Variants in RALYL observed in about 807,000 individuals in gnomAD.
RALYL encodes RNA-binding Raly-like protein.
Under a neutral mutation model 35.1 loss-of-function variants are expected in RALYL, and 29 were observed. That is an observed-to-expected ratio of 0.83 (90% CI 0.61 to 1.13). RALYL has a LOEUF of 1.13. RALYL is among the 50% of genes most tolerant of loss of function. The probability of loss-of-function intolerance (pLI) is 0.00; values close to 1 mark genes in which losing one functional copy is unlikely to be tolerated. For synonymous variants in RALYL, 120 were observed against 127.6 expected, an observed-to-expected ratio of 0.94 and a Z score of 0.40; for missense variants, 359 against 360.4, an observed-to-expected ratio of 1.00 and a Z score of 0.03.
At chr8:84,619,641 G>A in intron 2 of RALYL, among the ~76,000 whole-genome samples, 2 of 149,628 alleles carry the variant, frequency 1.3e-5, no homozygotes, top group Middle Eastern at 6.8e-3. Context: ...TCATTATGAT[G>A]TTAGCTGGTT....
At position 84,559,197 on chromosome 8, in the gene RALYL, ATTAAT is replaced by A. The variant is rs1280627813; in HGVS notation, c.256+29627_256+29631del. 1.2e-4 allele frequency among the ~76,000 whole-genome samples: 19 copies of A among 152,064 alleles called. 1 individual carries two copies. In the East Asian group the frequency reaches 3.5e-3, roughly 28 times the overall value. On this transcript the variant is annotated intron_variant, in intron 2 of 8. Coordinates refer to ENST00000521268, the MANE Select transcript of RALYL (RefSeq NM_173848.7). ...GATAAAATAATGTTTTTCTGTTCATATTAATTTAATTATTGAAGTGTTTTTAATAG... is the reference window on the plus strand; with the variant it reads ...GATAAAATAATGTTTTTCTGTTCATATTAATTATTGAAGTGTTTTTAATAG...
At chr8:84,615,607 T>A (rs1178267538) in intron 2 of RALYL, among the ~76,000 whole-genome samples, 3 of 140,506 alleles carry the variant, frequency 2.1e-5, no homozygotes, top group Non-Finnish European at 4.6e-5. Context: ...TTTTACTTAT[T>A]ATTATACTTT....
intron 2 of RALYL, among the ~76,000 whole-genome samples, chr8:84,689,817 T>A (rs1837640583): frequency 6.6e-6 from 1 of 152,202 alleles, no homozygotes; most frequent in Non-Finnish European, 1.5e-5. Context: ...TTTGCATTTC[T>A]CTGATGGCCA....
intron 2 of RALYL, chr8:84,679,680 A>G: frequency 2.0e-6 from 1 of 506,360 alleles, no homozygotes; most frequent in Non-Finnish European, 4.0e-6. Context: ...AAAATGTGAG[A>G]ACTAATTCAT....
chr8:84,552,663 C>T (rs1231722561), intron 2 of RALYL, among the ~76,000 whole-genome samples: 1 of 151,730 alleles, frequency 6.6e-6, no homozygotes, highest in African/African-American at 2.4e-5. Flanking sequence ...TTGATCTAAC[C>T]TGGTACTCTG....
At chr8:84,261,752 C>T (rs1025807504) in intron 1 of RALYL, among the ~76,000 whole-genome samples, 7 of 151,956 alleles carry the variant, frequency 4.6e-5, no homozygotes, top group African/African-American at 1.2e-4. Context: ...ATTTTCTAGA[C>T]AATCAATGCA....
At chr8:84,857,055 A>AAAAAG (rs1563754466) in intron 5 of RALYL, among the ~76,000 whole-genome samples, 5 of 151,720 alleles carry the variant, frequency 3.3e-5, no homozygotes, top group Admixed American at 2.0e-4. Context: ...AAAAAAAAAA[A>AAAAAG]AAAAGAATTA....
chr8:84,550,977 A>T (rs1437572935), intron 2 of RALYL, among the ~76,000 whole-genome samples: 1 of 152,072 alleles, frequency 6.6e-6, no homozygotes, highest in Admixed American at 6.6e-5. Context: ...TAAATAGAGA[A>T]ATTAAGAAAA....
At chr8:84,527,363 A>G (rs2058977697) in intron 1 of RALYL, among the ~76,000 whole-genome samples, 2 of 152,060 alleles carry the variant, frequency 1.3e-5, no homozygotes, top group Admixed American at 1.3e-4. Flanking sequence ...AGGGTTATCA[A>G]TGGCAGACCA....
intron 1 of RALYL, among the ~76,000 whole-genome samples, chr8:84,309,066 A>C (rs1007062820): frequency 2.0e-5 from 3 of 151,638 alleles, no homozygotes; most frequent in Non-Finnish European, 2.9e-5. Flanking sequence ...CATGCAAGCA[A>C]TATATCAACA....
intron 5 of RALYL, among the ~76,000 whole-genome samples, chr8:84,859,564 A>T (rs867239147): frequency 6.6e-6 from 1 of 152,194 alleles, no homozygotes; most frequent in African/African-American, 2.4e-5. Flanking sequence ...GGTGAAAGTC[A>T]TCCAGCCAGG....
At chr8:84,272,706 G>A (rs975210826) in intron 1 of RALYL, among the ~76,000 whole-genome samples, 7 of 152,114 alleles carry the variant, frequency 4.6e-5, no homozygotes, top group African/African-American at 1.7e-4. Context: ...TTAGGTAATA[G>A]CAATGGCAAA....
At chr8:84,414,289 T>A (rs2044397363) in intron 1 of RALYL, among the ~76,000 whole-genome samples, 1 of 152,210 alleles carries the variant, frequency 6.6e-6, no homozygotes, top group Non-Finnish European at 1.5e-5. Flanking sequence ...CACTTTGGCC[T>A]CCTCCTGATG....
At chr8:84,803,690 A>G (rs1823901578) in intron 3 of RALYL, among the ~76,000 whole-genome samples, 1 of 152,228 alleles carries the variant, frequency 6.6e-6, no homozygotes, top group Admixed American at 6.5e-5. Flanking sequence ...AGCATGGTAT[A>G]TGGCGGAGAT....
At chr8:84,184,837 G>C in intron 1 of RALYL, 1 of 792,790 alleles carries the variant, frequency 1.3e-6, no homozygotes, top group Non-Finnish European at 2.1e-6. Context: ...GCGGGCTAGA[G>C]GGGACCCTCA....
intron 4 of RALYL, among the ~76,000 whole-genome samples, chr8:84,809,945 T>C (rs1362061979): frequency 6.6e-6 from 1 of 152,170 alleles, no homozygotes; most frequent in African/African-American, 2.4e-5. Flanking sequence ...TTTTGTTTCA[T>C]TTATCTTTTG....
At chr8:84,189,760 G>A (rs1206758539) in intron 1 of RALYL, among the ~76,000 whole-genome samples, 1 of 150,556 alleles carries the variant, frequency 6.6e-6, no homozygotes, top group Admixed American at 6.6e-5. Context: ...TAAAACAACT[G>A]TTATGTATTT....
At position 84,195,394 on chromosome 8, in the gene RALYL, C is replaced by G. The variant is rs370411877; in HGVS notation, c.-24+10970C>G. Among the ~76,000 whole-genome samples the G allele has an allele frequency of 1.4e-3, 218 of 152,072 alleles. 1 individual carries two copies. Among genetic ancestry groups the G allele is most frequent in the African/African-American group, 5.1e-3 (213 of 41,488 alleles). On this transcript the variant is annotated intron_variant, in intron 1 of 8. Coordinates refer to ENST00000521268, the MANE Select transcript of RALYL (RefSeq NM_173848.7). ...GGCAGAGGTTGCAGTGAGCCAAGAT[C>G]GCACCATTGCACTCCAGCCCAGCGA...
At position 84,456,240 on chromosome 8, in the gene RALYL, C is replaced by T. The variant is rs141719665; in HGVS notation, c.-23-73059C>T. 9.2e-5 allele frequency among the ~76,000 whole-genome samples: 14 copies of T among 152,054 alleles called. No individual in the cohort carries two copies. The East Asian group carries it at 2.5e-3, about 28-fold the overall frequency. ...AGGATCCCCCAAAAGTTTTTGAATA[C>T]ATTAAAAAATGACCTTTTAAGCTGC... On this transcript the variant is annotated intron_variant, in intron 1 of 8. Coordinates refer to ENST00000521268, the MANE Select transcript of RALYL (RefSeq NM_173848.7).
Sources: allele counts gnomAD v4.1 joint callset (sites outside exome capture counted in the v4.1 genomes callset), GRCh38; gene constraint gnomAD v4.1.1; transcripts MANE v1.5; gene names NCBI Gene and HGNC (gene_info 2026-07-23, HGNC 2026-07-21).